MAPK4: variants seen among roughly 807,000 people sequenced by gnomAD.
The protein encoded by MAPK4 is Erk3-related.
Under a neutral mutation model 47.7 loss-of-function variants are expected in MAPK4, and 22 were observed. That is an observed-to-expected ratio of 0.46 (90% CI 0.33 to 0.66). MAPK4 has a LOEUF of 0.66. MAPK4 is among the 30% of genes least tolerant of loss of function. The pLI is 0.02. For missense variants in MAPK4, 736 were observed against 831.7 expected (o/e 0.88, Z 1.42); for synonymous variants, 390 against 365.7 (o/e 1.07, Z -0.76).
chr18:50,580,937 A>G (rs1274371712), intron 1 of MAPK4, among the ~76,000 whole-genome samples: 2 of 152,020 alleles, frequency 1.3e-5, no homozygotes, highest in Non-Finnish European at 2.9e-5. Context: ...GGAAACCCAA[A>G]CACATCTGCC....
At chr18:50,651,761 G>T (rs1024940680) in intron 1 of MAPK4, among the ~76,000 whole-genome samples, 5 of 152,180 alleles carry the variant, frequency 3.3e-5, no homozygotes, top group Non-Finnish European at 5.9e-5. Flanking sequence ...CCACAGGCTG[G>T]ATGTCTTTGT....
At chr18:50,623,705 G>T (rs79890018) in intron 1 of MAPK4, among the ~76,000 whole-genome samples, 2 of 152,222 alleles carry the variant, frequency 1.3e-5, no homozygotes, top group South Asian at 4.1e-4. Context: ...ACTTGTAAAC[G>T]TGCAAATCAG....
chr18:50,640,611 G>A (rs1386038704), intron 1 of MAPK4, among the ~76,000 whole-genome samples: 4 of 152,036 alleles, frequency 2.6e-5, no homozygotes, highest in African/African-American at 9.7e-5. Flanking sequence ...GATTACAGGT[G>A]TGCGCCACCA....
At chr18:50,728,596 A>G (rs1463513750) in intron 5 of MAPK4, among the ~76,000 whole-genome samples, 1 of 152,142 alleles carries the variant, frequency 6.6e-6, no homozygotes, top group Admixed American at 6.5e-5. Flanking sequence ...ATGCTATTTT[A>G]TTTTTAATTC....
chr18:50,648,325 GT>G (rs2043010816), intron 1 of MAPK4, among the ~76,000 whole-genome samples: 2 of 152,178 alleles, frequency 1.3e-5, no homozygotes, highest in African/African-American at 4.8e-5. Flanking sequence ...ACCCCATTCT[GT>G]GTGGCTGTGG....
intron 1 of MAPK4, among the ~76,000 whole-genome samples, chr18:50,592,008 T>C (rs2042440596): frequency 6.6e-6 from 1 of 152,166 alleles, no homozygotes; most frequent in African/African-American, 2.4e-5. Flanking sequence ...TATTGACTAT[T>C]TTAATGGCCA....
At chr18:50,623,443 A>T (rs569707714) in intron 1 of MAPK4, among the ~76,000 whole-genome samples, 1 of 152,326 alleles carries the variant, frequency 6.6e-6, no homozygotes, top group Admixed American at 6.5e-5. Flanking sequence ...CAGTCCAGCA[A>T]AATAATTATC....
intron 1 of MAPK4, among the ~76,000 whole-genome samples, chr18:50,591,398 A>T (rs1451447051): frequency 6.6e-6 from 1 of 151,856 alleles, no homozygotes; most frequent in Non-Finnish European, 1.5e-5. Context: ...AGATGTTCCC[A>T]ACAGCTGTAT....
chr18:50,612,026 A>G (rs12327440), intron 1 of MAPK4, among the ~76,000 whole-genome samples: 52,386 of 152,132 alleles, frequency 0.34, 9,275 homozygotes, highest in Non-Finnish European at 0.37. Flanking sequence ...ATGTGACCAG[A>G]TAAGGTCATA....
intron 1 of MAPK4, among the ~76,000 whole-genome samples, chr18:50,577,218 T>C (rs1047964062): frequency 6.6e-6 from 1 of 152,178 alleles, no homozygotes; most frequent in Non-Finnish European, 1.5e-5. Flanking sequence ...ATTCTCAGCT[T>C]TGGCTGCGTT....
intron 3 of MAPK4, among the ~76,000 whole-genome samples, chr18:50,717,289 G>C (rs142770490): frequency 2.0e-3 from 307 of 152,258 alleles, no homozygotes; most frequent in Admixed American, 3.1e-3. Flanking sequence ...GAGTGTCCAG[G>C]GAATGGAAAA....
intron 1 of MAPK4, among the ~76,000 whole-genome samples, chr18:50,649,023 A>G (rs898020963): frequency 6.6e-6 from 1 of 152,196 alleles, no homozygotes; most frequent in Admixed American, 6.5e-5. Context: ...AAAAGAGATC[A>G]CTCTCAAAGG....
chr18:50,606,906 A>C (rs1353060187), intron 1 of MAPK4, among the ~76,000 whole-genome samples: 6 of 152,224 alleles, frequency 3.9e-5, no homozygotes, highest in Non-Finnish European at 8.8e-5. Context: ...CTGGAGGCAC[A>C]TGTGAAAGTT....
chr18:50,667,057 T>C (rs914086263), intron 2 of MAPK4, among the ~76,000 whole-genome samples: 4 of 152,356 alleles, frequency 2.6e-5, no homozygotes, highest in Admixed American at 2.0e-4. Context: ...CTCTGAGCGC[T>C]GTCTCCTTCA....
At chr18:50,578,985 C>T (rs1027214405) in intron 1 of MAPK4, among the ~76,000 whole-genome samples, 3 of 152,076 alleles carry the variant, frequency 2.0e-5, no homozygotes, top group East Asian at 1.9e-4. Flanking sequence ...GAGTAAGCCT[C>T]GCATGGAGAA....
chr18:50,666,099 T>C (rs868518809), intron 2 of MAPK4, among the ~76,000 whole-genome samples: 1 of 152,180 alleles, frequency 6.6e-6, no homozygotes, highest in South Asian at 2.1e-4. Flanking sequence ...CATTTGAGTA[T>C]CATATGATGA....
chr18:50,576,167 G>A (rs771215854), intron 1 of MAPK4, among the ~76,000 whole-genome samples: 4 of 151,812 alleles, frequency 2.6e-5, no homozygotes, highest in Non-Finnish European at 4.4e-5. Flanking sequence ...AATTTAAATC[G>A]CTCTTCCATA....
At chr18:50,679,183 G>T (rs116888168) in intron 2 of MAPK4, among the ~76,000 whole-genome samples, 3 of 152,244 alleles carry the variant, frequency 2.0e-5, no homozygotes, top group African/African-American at 7.2e-5. Context: ...GCATCACTGT[G>T]TGTGAAGGTG....
At chr18:50,562,407 A>G (rs2042161039) in intron 1 of MAPK4, among the ~76,000 whole-genome samples, 1 of 66,564 alleles carries the variant, frequency 1.5e-5, no homozygotes, top group Non-Finnish European at 3.0e-5. Context: ...TTCATTCTGC[A>G]TTTTGGCCAA....
Sources: allele counts gnomAD v4.1 joint callset (sites outside exome capture counted in the v4.1 genomes callset), GRCh38; gene constraint gnomAD v4.1.1; transcripts MANE v1.5; gene names NCBI Gene and HGNC (gene_info 2026-07-23, HGNC 2026-07-21).